The following MMD2 variants were observed in gnomAD, a reference collection of about 807,000 sequenced individuals.
MMD2 encodes the protein monocyte to macrophage differentiation associated 2.
Under a neutral mutation model 33.5 loss-of-function variants are expected in MMD2, and 30 were observed. That is an observed-to-expected ratio of 0.90 (90% CI 0.67 to 1.22). The LOEUF is 1.22. Among genes scored for constraint, MMD2 ranks in the 50% most tolerant of loss-of-function variants. MMD2 has a pLI of 0.00. For missense variants in MMD2, 364 were observed against 325.4 expected (o/e 1.12, Z -0.91); for synonymous variants, 129 against 123.0 (o/e 1.05, Z -0.32).
downstream of MMD2, among the ~76,000 whole-genome samples, chr7:4,904,301 G>A (rs1398303670): frequency 4.6e-5 from 7 of 152,222 alleles, no homozygotes; most frequent in Non-Finnish European, 8.8e-5. Context: ...GCCCACCGGA[G>A]AGAATGGCCT....
At chr7:4,914,887 T>G (rs534812263) in intron 4 of MMD2, among the ~76,000 whole-genome samples, 3 of 151,906 alleles carry the variant, frequency 2.0e-5, no homozygotes, top group Non-Finnish European at 4.4e-5. Context: ...GCCGAGATCA[T>G]GCCACTGCAC....
At position 4,940,381 on chromosome 7, in the gene MMD2, C is replaced by T. The variant is rs993672920; in HGVS notation, c.48-14849G>A. Among the ~76,000 whole-genome samples, 1 of 152,210 alleles carries T rather than the reference C, an allele frequency of 6.6e-6. No individual in the cohort carries two copies. Among genetic ancestry groups the T allele is most frequent in the Non-Finnish European group, 1.5e-5 (1 of 68,040 alleles). On this transcript the variant is annotated intron_variant, in intron 1 of 6. Transcript: ENST00000401401. This position sits in a 1 kb window ranked among gnomAD's most constrained non-coding sequence, Gnocchi z 5.0. ...ATGAATGAGCCCGGGCCCCGGAACG[C>T]GGCTGCAGCCACCCCTCCCAGGCTG... is the stretch of plus-strand genomic sequence containing the variant.
At chr7:4,892,964 T>C in the MMD2 span, among the ~76,000 whole-genome samples, 8 of 152,176 alleles carry the variant, frequency 5.3e-5, no homozygotes, top group Admixed American at 2.6e-4. Context: ...TCCTCACGCC[T>C]CTACCTCCCA....
the MMD2 span, among the ~76,000 whole-genome samples, chr7:4,898,272 T>A: frequency 0.37 from 55,626 of 152,104 alleles, 10,723 homozygotes; most frequent in South Asian, 0.48. Flanking sequence ...TGTCCCCACA[T>A]GGCCTGGGGG....
At chr7:4,945,200 C>CTTCTTCTTCT (rs1562493800) in intron 1 of MMD2, among the ~76,000 whole-genome samples, 1 of 136,698 alleles carries the variant, frequency 7.3e-6, no homozygotes, top group African/African-American at 2.8e-5. Flanking sequence ...TCTTCTTCTT[C>CTTCTTCTTCT]TTCTTCTTCT....
chr7:4,908,708 C>T (rs962501617), intron 6 of MMD2, among the ~76,000 whole-genome samples: 11 of 151,266 alleles, frequency 7.3e-5, no homozygotes, highest in South Asian at 2.1e-4. Context: ...ACCAGCCTGG[C>T]CAACATAGTG....
intron 2 of MMD2, among the ~76,000 whole-genome samples, chr7:4,923,311 C>T (rs989898243): frequency 7.9e-5 from 12 of 152,150 alleles, no homozygotes; most frequent in African/African-American, 2.9e-4. Flanking sequence ...ACCATGTTGG[C>T]CAGGCTGGTC....
intron 1 of MMD2, among the ~76,000 whole-genome samples, chr7:4,947,640 G>C (rs1440905603): frequency 2.8e-5 from 4 of 145,006 alleles, no homozygotes; most frequent in Non-Finnish European, 4.5e-5. Context: ...TGATCTGCCT[G>C]TCCCAGCCTC....
chr7:4,931,869 A>G (rs1430362641), intron 1 of MMD2, among the ~76,000 whole-genome samples: 1 of 152,130 alleles, frequency 6.6e-6, no homozygotes, highest in Admixed American at 6.6e-5. Flanking sequence ...CCGGCCTCAC[A>G]GTATTCATTT....
intron 2 of MMD2, among the ~76,000 whole-genome samples, chr7:4,922,263 C>T (rs1312186852): frequency 6.6e-6 from 1 of 151,124 alleles, no homozygotes. Flanking sequence ...CTTATTACAT[C>T]ATCTTAAAAA....
chr7:4,895,050 A>C, the MMD2 span, among the ~76,000 whole-genome samples: 2 of 150,068 alleles, frequency 1.3e-5, no homozygotes, highest in East Asian at 4.0e-4. Context: ...AGCCGCTTGC[A>C]TCCCCGACTG....
At chr7:4,922,632 T>C (rs1292436177) in intron 2 of MMD2, among the ~76,000 whole-genome samples, 1 of 152,100 alleles carries the variant, frequency 6.6e-6, no homozygotes, top group Non-Finnish European at 1.5e-5. Context: ...TGGAGTGCAG[T>C]GGTACAATCA....
intron 1 of MMD2, among the ~76,000 whole-genome samples, chr7:4,931,498 G>GCA (rs1334736068): frequency 1.3e-5 from 2 of 151,670 alleles, no homozygotes; most frequent in Non-Finnish European, 2.9e-5. Flanking sequence ...TGTCACCCAG[G>GCA]CTGGAGTGCA....
intron 6 of MMD2, among the ~76,000 whole-genome samples, chr7:4,909,577 A>C (rs1433942345): frequency 1.3e-5 from 2 of 151,882 alleles, no homozygotes; most frequent in African/African-American, 4.8e-5. Context: ...AGAGTAGCTG[A>C]GACTATAGGT....
In MMD2 at chr7:4,907,522, G is replaced by A. The variant is rs760453853; in HGVS notation, c.615C>T (p.Asp205=). 1.1e-4 allele frequency: 174 copies of A among 1,613,700 alleles called. No individual in the cohort carries two copies. Among genetic ancestry groups the A allele is most frequent in the Middle Eastern group, 3.4e-4 (2 of 5,936 alleles). Reference sequence around the variant, plus strand: ...TGGCGTGGGCAAAGGGGATCCTCCCGTCACTCTTGAAGAAGACCATGCCCA... The same window carrying A: ...TGGCGTGGGCAAAGGGGATCCTCCCATCACTCTTGAAGAAGACCATGCCCA... ...YCLGMVFFKS[D]GRIPFAHAIW... Residue 205 remains aspartate (D), a synonymous_variant, in exon 7 of 7, where the codon GAC becomes GAT. Coordinates refer to ENST00000401401, the MANE Select transcript of MMD2 (RefSeq NM_198403.4).
At chr7:4,897,048 C>T in the MMD2 span, among the ~76,000 whole-genome samples, 6 of 151,588 alleles carry the variant, frequency 4.0e-5, no homozygotes, top group Non-Finnish European at 7.4e-5. Flanking sequence ...TTAGTAGAGA[C>T]GGGGTTTCGC....
intron 5 of MMD2, chr7:4,910,159 C>A (rs1487974579): frequency 5.6e-6 from 6 of 1,065,024 alleles, no homozygotes; most frequent in Non-Finnish European, 8.1e-6. Flanking sequence ...CACTTTCCCT[C>A]CCTGAGACTC....
intron 1 of MMD2, among the ~76,000 whole-genome samples, chr7:4,930,138 C>T (rs1349791502): frequency 2.0e-5 from 3 of 151,568 alleles, no homozygotes; most frequent in East Asian, 2.0e-4. Context: ...AGTGTGGTGG[C>T]GGGCACCTGT....
chr7:4,937,975 CT>C (rs1383705192), intron 1 of MMD2, among the ~76,000 whole-genome samples: 20 of 83,316 alleles, frequency 2.4e-4, no homozygotes, highest in East Asian at 6.6e-4. Flanking sequence ...ATTTCTTTTT[CT>C]TTTTTTTTTC....
Sources: gnomAD v4.1 joint callset for allele counts (sites outside exome capture counted in the v4.1 genomes callset) on GRCh38, gnomAD v4.1.1 for gene constraint, Gnocchi (gnomAD v3.1) non-coding constraint, MANE v1.5 for transcripts, NCBI Gene and HGNC (gene_info 2026-07-23, HGNC 2026-07-21) for gene names.